FRMD4A: variants seen among roughly 807,000 people sequenced by gnomAD.
FRMD4A encodes the protein FERM domain-containing protein 4A.
In FRMD4A, 29 loss-of-function variants were observed where a neutral mutation model predicts 129.1. The ratio of observed to expected loss-of-function variants is 0.22; its 90% CI spans 0.17 to 0.31. The LOEUF is 0.31. FRMD4A is among the 10% of genes least tolerant of loss of function. FRMD4A has a pLI of 1.00. For missense variants in FRMD4A, 1,272 were observed against 1,375.8 expected, an observed-to-expected ratio of 0.92 and a Z score of 1.19; for synonymous variants, 634 against 571.6, an observed-to-expected ratio of 1.11 and a Z score of -1.56.
chr10:14,303,080 G>C (rs1424833682), intron 2 of FRMD4A, among the ~76,000 whole-genome samples: 1 of 152,188 alleles, frequency 6.6e-6, no homozygotes, highest in African/African-American at 2.4e-5. Flanking sequence ...CCTGGCCTCA[G>C]CTGCATGGTA....
At chr10:13,876,984 C>T (rs1197170553) in intron 2 of FRMD4A, among the ~76,000 whole-genome samples, 1 of 152,144 alleles carries the variant, frequency 6.6e-6, no homozygotes, top group East Asian at 1.9e-4. Context: ...ATTTGTCATT[C>T]ACATACCTAT....
intron 2 of FRMD4A, among the ~76,000 whole-genome samples, chr10:13,887,403 G>A (rs548355159): frequency 1.3e-5 from 2 of 152,298 alleles, no homozygotes; most frequent in East Asian, 1.9e-4. Context: ...AACTGAGGCC[G>A]GGGGCGGTGG....
At chr10:13,878,267 G>A (rs536335941) in intron 2 of FRMD4A, among the ~76,000 whole-genome samples, 1 of 151,072 alleles carries the variant, frequency 6.6e-6, no homozygotes, top group South Asian at 2.1e-4. Flanking sequence ...CTAGTGTTTG[G>A]GCTGTTTCCA....
intron 2 of FRMD4A, among the ~76,000 whole-genome samples, chr10:14,051,236 C>T (rs1350952646): frequency 6.6e-6 from 1 of 152,216 alleles, no homozygotes; most frequent in African/African-American, 2.4e-5. Flanking sequence ...GGGGCAGCCT[C>T]TCCTTACCGA....
intron 2 of FRMD4A, among the ~76,000 whole-genome samples, chr10:14,249,351 T>TAAA (rs71388170): frequency 2.1e-5 from 3 of 143,752 alleles, no homozygotes; most frequent in Non-Finnish European, 3.0e-5. Context: ...GAATCTGTCT[T>TAAA]AAAAAAAAAA....
In FRMD4A at chr10:13,990,084, G is replaced by A. The variant is rs189958587; in HGVS notation, c.46-131172C>T. Among the ~76,000 whole-genome samples, 6 of 152,298 alleles carry A rather than the reference G, an allele frequency of 3.9e-5. No homozygotes were observed. The East Asian group carries it at 5.8e-4, about 15-fold the overall frequency. ...CCCTGGATCTGCCACTGCTGGCTGC[G>A]TAACCCTGGACAAATGACTTAATCT... On this transcript the variant is annotated intron_variant, in intron 2 of 24. Transcript: ENST00000357447.
intron 2 of FRMD4A, among the ~76,000 whole-genome samples, chr10:14,301,707 A>T (rs1426643101): frequency 6.6e-6 from 1 of 152,152 alleles, no homozygotes; most frequent in Non-Finnish European, 1.5e-5. Flanking sequence ...TTCTTTTTCT[A>T]TAAGAAAACA....
At position 14,098,698 on chromosome 10, in the gene FRMD4A, G is replaced by A. The variant is rs556256844; in HGVS notation, c.45+231360C>T. Among the ~76,000 whole-genome samples the A allele has an allele frequency of 3.9e-5, 6 of 152,066 alleles. No homozygotes were observed. The East Asian group carries it at 7.7e-4, about 20-fold the overall frequency. ...GCTGGGATTACAGGTGTGAGCCACC[G>A]CGCCCAGCCTGAATATGGTTCTCAA... On this transcript the variant is annotated intron_variant, in intron 2 of 24. Coordinates refer to ENST00000357447, the MANE Select transcript of FRMD4A (RefSeq NM_018027.5).
intron 3 of FRMD4A, among the ~76,000 whole-genome samples, chr10:13,833,221 C>T (rs1383736051): frequency 6.6e-6 from 1 of 152,144 alleles, no homozygotes; most frequent in Middle Eastern, 3.2e-3. Flanking sequence ...AATGGACTCA[C>T]AGTTCCATAT....
chr10:13,856,216 AAGTG>A (rs2094212219), intron 3 of FRMD4A, among the ~76,000 whole-genome samples: 2 of 107,478 alleles, frequency 1.9e-5, no homozygotes, highest in African/African-American at 3.5e-5. Context: ...GATTTTGTGC[AAGTG>A]TGTGTGTGTG....
At chr10:13,786,516 G>T (rs1038015610) in intron 5 of FRMD4A, among the ~76,000 whole-genome samples, 1 of 152,190 alleles carries the variant, frequency 6.6e-6, no homozygotes, top group Non-Finnish European at 1.5e-5. Context: ...TGAGGCAGGA[G>T]AATCGCTTGA....
intron 2 of FRMD4A, among the ~76,000 whole-genome samples, chr10:14,174,260 CCT>C (rs1483292583): frequency 6.6e-6 from 1 of 152,094 alleles, no homozygotes; most frequent in Non-Finnish European, 1.5e-5. Flanking sequence ...GCCCTGGTCC[CCT>C]CTCTCTTTCT....
intron 2 of FRMD4A, among the ~76,000 whole-genome samples, chr10:13,975,864 C>T (rs1342003685): frequency 6.6e-6 from 1 of 152,200 alleles, no homozygotes; most frequent in Non-Finnish European, 1.5e-5. Flanking sequence ...GAGCAAGACA[C>T]CAGGGCTCAC....
At chr10:13,688,904 G>C (rs1325553331) in intron 15 of FRMD4A, among the ~76,000 whole-genome samples, 2 of 151,948 alleles carry the variant, frequency 1.3e-5, no homozygotes, top group South Asian at 4.2e-4. Context: ...TTTTGGTAGA[G>C]ACCGGATTTC....
intron 2 of FRMD4A, among the ~76,000 whole-genome samples, chr10:14,262,311 C>T (rs1206896323): frequency 6.6e-6 from 1 of 152,188 alleles, no homozygotes; most frequent in Non-Finnish European, 1.5e-5. Context: ...GTGAGTTACC[C>T]ACCATCTCTG....
At chr10:13,945,122 C>A (rs2095322445) in intron 2 of FRMD4A, among the ~76,000 whole-genome samples, 1 of 152,150 alleles carries the variant, frequency 6.6e-6, no homozygotes, top group African/African-American at 2.4e-5. Context: ...ACTAAGCCAG[C>A]CGGACTAGTG....
intron 2 of FRMD4A, among the ~76,000 whole-genome samples, chr10:14,077,954 G>A (rs1835707207): frequency 2.0e-5 from 3 of 152,300 alleles, no homozygotes; most frequent in Middle Eastern, 6.8e-3. Flanking sequence ...TGGCATAGGT[G>A]AGGAAAGAAG....
At chr10:14,073,634 G>T (rs886518395) in intron 2 of FRMD4A, among the ~76,000 whole-genome samples, 5 of 152,132 alleles carry the variant, frequency 3.3e-5, no homozygotes, top group South Asian at 2.1e-4. Context: ...CTTGTCCAAG[G>T]GCTGCTGTAG....
At chr10:13,958,787 G>A (rs368286659) in intron 2 of FRMD4A, among the ~76,000 whole-genome samples, 124 of 151,872 alleles carry the variant, frequency 8.2e-4, no homozygotes, top group African/African-American at 2.8e-3. Context: ...GTTTCTCCAT[G>A]TTGGTCAGGC....
Sources: gnomAD v4.1 joint callset for allele counts (sites outside exome capture counted in the v4.1 genomes callset) on GRCh38, gnomAD v4.1.1 for gene constraint, MANE v1.5 for transcripts, NCBI Gene and HGNC (gene_info 2026-07-23, HGNC 2026-07-21) for gene names.